CERS6: variants seen among roughly 807,000 people sequenced by gnomAD.
CERS6 encodes LAG1 homolog, ceramide synthase 6.
CERS6 carries 26 observed loss-of-function variants against 56.8 expected under a neutral mutation model. The ratio of observed to expected loss-of-function variants is 0.46; its 90% CI spans 0.34 to 0.63. The LOEUF is 0.63. Ranked by LOEUF, CERS6 falls within the 30% of genes least tolerant of loss-of-function variation. The pLI is 0.01. For missense variants in CERS6, 415 were observed against 467.5 expected, an observed-to-expected ratio of 0.89 and a Z score of 1.04; for synonymous variants, 164 against 173.3, an observed-to-expected ratio of 0.95 and a Z score of 0.42.
chr2:168,680,023 G>A (rs916006749), intron 4 of CERS6, among the ~76,000 whole-genome samples: 2 of 152,182 alleles, frequency 1.3e-5, no homozygotes, highest in Non-Finnish European at 2.9e-5. Context: ...AGTAATTTAC[G>A]AACTACGGCA....
chr2:168,644,381 T>A, intron 4 of CERS6: 1 of 984,176 alleles, frequency 1.0e-6, no homozygotes, highest in South Asian at 4.7e-5. Context: ...AGGCAGCAGA[T>A]ATGAGAATGA....
chr2:168,589,117 A>G (rs911549305), intron 3 of CERS6, among the ~76,000 whole-genome samples: 2 of 152,290 alleles, frequency 1.3e-5, no homozygotes, highest in African/African-American at 4.8e-5. Context: ...TTCAAGAACC[A>G]CCATATTTTT....
chr2:168,728,268 AT>A (rs1256760935), intron 8 of CERS6, among the ~76,000 whole-genome samples: 1 of 152,080 alleles, frequency 6.6e-6, no homozygotes, highest in Non-Finnish European at 1.5e-5. Context: ...GCCATTAAAC[AT>A]TAGTCTCGTG....
chr2:168,739,918 G>A (rs908255827), intron 8 of CERS6, among the ~76,000 whole-genome samples: 1 of 151,896 alleles, frequency 6.6e-6, no homozygotes, highest in African/African-American at 2.4e-5. Flanking sequence ...CCAGGTTGGC[G>A]AGGCTGGTCT....
chr2:168,662,448 G>T (rs947411236), intron 4 of CERS6, among the ~76,000 whole-genome samples: 1 of 152,112 alleles, frequency 6.6e-6, no homozygotes, highest in Non-Finnish European at 1.5e-5. Context: ...CCTGGAAAGG[G>T]CCAGGCACGG....
chr2:168,538,717 T>C lies in CERS6; in HGVS notation c.171-8879T>C, dbSNP rs1695312264. On this transcript the variant is annotated intron_variant, in intron 1 of 9. Coordinates refer to ENST00000305747, the MANE Select transcript of CERS6 (RefSeq NM_203463.3). ...GCATCCCCAACACCTAGAGCAGGGC[T>C]GATACATAATAGATGCTCACTGAGT... is the stretch of plus-strand genomic sequence containing the variant. Among the ~76,000 whole-genome samples the C allele has an allele frequency of 2.6e-5, 4 of 152,240 alleles. No homozygotes were observed. In the South Asian group the frequency reaches 8.3e-4, roughly 32 times the overall value.
At chr2:168,584,526 G>A (rs1424367016) in intron 3 of CERS6, among the ~76,000 whole-genome samples, 1 of 152,062 alleles carries the variant, frequency 6.6e-6, no homozygotes, top group East Asian at 1.9e-4. Context: ...GACTAAATTT[G>A]GCCACACATT....
chr2:168,706,658 TATTG>T (rs1686948400), intron 6 of CERS6, among the ~76,000 whole-genome samples: 1 of 152,214 alleles, frequency 6.6e-6, no homozygotes, highest in African/African-American at 2.4e-5. Flanking sequence ...TTGAGAGTAA[TATTG>T]AATGGATTAC....
intron 1 of CERS6, among the ~76,000 whole-genome samples, chr2:168,501,599 G>T (rs1243117084): frequency 2.0e-5 from 3 of 152,180 alleles, no homozygotes; most frequent in East Asian, 3.8e-4. Flanking sequence ...ATGTTCTCTG[G>T]TAGGAGTGGA....
At chr2:168,593,428 C>T (rs550776650) in intron 3 of CERS6, among the ~76,000 whole-genome samples, 5 of 152,112 alleles carry the variant, frequency 3.3e-5, no homozygotes, top group African/African-American at 7.2e-5. Flanking sequence ...TGATTAATCC[C>T]GTAAGTGGCA....
chr2:168,559,202 T>TAA (rs34282143), intron 2 of CERS6, among the ~76,000 whole-genome samples: 2 of 146,208 alleles, frequency 1.4e-5, no homozygotes, highest in African/African-American at 2.5e-5. Flanking sequence ...TTACTACTAC[T>TAA]AAAAAAAAAA....
chr2:168,456,331 GAGC>G lies in CERS6; in HGVS notation c.-114_-112del. 1 of 556,920 alleles carries G rather than the reference GAGC, an allele frequency of 1.8e-6. No individual in the cohort carries two copies. Among genetic ancestry groups the G allele is most frequent in the Non-Finnish European group, 2.5e-6 (1 of 402,736 alleles). The allele number at this position is 556,920 out of a possible 1,614,324, so 34.5% of individuals were successfully genotyped here. On this transcript the variant is annotated 5_prime_UTR_variant, in exon 1 of 10. Transcript: ENST00000305747. The surrounding 1 kb of genome is among the most constrained non-coding windows in gnomAD (Gnocchi z 4.1). ...CGGAGGAGGCGGCGGCGGCGGGCGG[GAGC>G]AGCGGCGGCGGCGGCACAGGCTCGG...
intron 6 of CERS6, among the ~76,000 whole-genome samples, chr2:168,710,596 T>C (rs1213039194): frequency 6.6e-6 from 1 of 152,244 alleles, no homozygotes; most frequent in Non-Finnish European, 1.5e-5. Flanking sequence ...AACACTATAC[T>C]CCACATGATG....
chr2:168,477,173 CAGAGAGAGAG>C (rs10609883), intron 1 of CERS6, among the ~76,000 whole-genome samples: 1,298 of 115,522 alleles, frequency 0.011, 9 homozygotes, highest in African/African-American at 0.023. Context: ...GAGGGAGAGA[CAGAGAGAGAG>C]AGAGAGAGAG....
At chr2:168,515,679 A>G (rs1426180658) in intron 1 of CERS6, among the ~76,000 whole-genome samples, 1 of 152,238 alleles carries the variant, frequency 6.6e-6, no homozygotes, top group Non-Finnish European at 1.5e-5. Context: ...CATTACTAGC[A>G]ACAGAAGGAA....
At chr2:168,696,969 A>T (rs775844252) in intron 6 of CERS6, among the ~76,000 whole-genome samples, 3 of 152,188 alleles carry the variant, frequency 2.0e-5, no homozygotes. Flanking sequence ...TTACATTATG[A>T]TGGAGCACAG....
intron 1 of CERS6, among the ~76,000 whole-genome samples, chr2:168,504,911 T>G (rs1694648891): frequency 2.0e-5 from 3 of 152,106 alleles, no homozygotes; most frequent in Admixed American, 6.6e-5. Context: ...CTGAGTGAAT[T>G]AGACCTACAT....
intron 2 of CERS6, among the ~76,000 whole-genome samples, chr2:168,556,251 A>G (rs913553663): frequency 3.3e-5 from 5 of 152,194 alleles, no homozygotes; most frequent in African/African-American, 9.6e-5. Context: ...TGTTGTTAAT[A>G]TTGATAAAGA....
At chr2:168,585,769 G>GAGT (rs562487874) in intron 3 of CERS6, among the ~76,000 whole-genome samples, 428 of 152,328 alleles carry the variant, frequency 2.8e-3, no homozygotes, top group African/African-American at 9.5e-3. Flanking sequence ...CATAAAGACA[G>GAGT]AGTAGAAGTC....
Sources: gnomAD v4.1 joint callset for allele counts (sites outside exome capture counted in the v4.1 genomes callset) on GRCh38, gnomAD v4.1.1 for gene constraint, Gnocchi (gnomAD v3.1) non-coding constraint, MANE v1.5 for transcripts, NCBI Gene and HGNC (gene_info 2026-07-23, HGNC 2026-07-21) for gene names.